Variants in CDC37L1 observed in about 807,000 individuals in gnomAD.
CDC37L1 encodes hsp90 co-chaperone Cdc37-like 1.
CDC37L1 carries 32 observed loss-of-function variants against 45.9 expected under a neutral mutation model. The observed-to-expected ratio is 0.70, with a 90% CI of 0.53 to 0.94. The LOEUF is 0.94. CDC37L1 is among the 40% of genes least tolerant of loss of function. The pLI is 0.00. For synonymous variants in CDC37L1, 150 were observed against 133.0 expected, an observed-to-expected ratio of 1.13 and a Z score of -0.88; for missense variants, 434 against 405.7, an observed-to-expected ratio of 1.07 and a Z score of -0.60.
intron 6 of CDC37L1, among the ~76,000 whole-genome samples, chr9:4,704,624 G>A: frequency 6.6e-6 from 1 of 152,116 alleles, no homozygotes; most frequent in Non-Finnish European, 1.5e-5. Flanking sequence ...GGCTTGGATT[G>A]TTAGAAAAAG....
chr9:4,688,542 C>T lies in CDC37L1; in HGVS notation c.444C>T (p.Asp148=). 1 of 1,524,286 alleles carries T rather than the reference C, an allele frequency of 6.6e-7. No homozygotes were observed. Among genetic ancestry groups the T allele is most frequent in the Non-Finnish European group, 8.8e-7 (1 of 1,132,158 alleles). The allele number at this position is 1,524,286 out of a possible 1,614,324, so 94.4% of individuals were successfully genotyped here. A position where few individuals can be genotyped will look rare whatever the true frequency, so the allele number is the denominator to read the frequency against. ...KSFINQDKRK[D]TEDEDKSESF... is the part of the protein sequence containing the mutation. ...TTATTAATCAAGATAAAAGAAAAGA[C>T]ACAGAAGATGAAGATAAATCAGAAT... The change falls in exon 3 of 7, where the codon GAC becomes GAT. Residue 148 remains aspartate (D), a synonymous_variant. Transcript: ENST00000381854.
At chr9:4,688,486 A>C (rs1404716259) in intron 2 of CDC37L1, 27 bp from the exon 3 acceptor site, 3 of 1,172,012 alleles carry the variant, frequency 2.6e-6, no homozygotes, top group Non-Finnish European at 3.6e-6. Flanking sequence ...TTAAAATCTG[A>C]TTTAAATTTC....
At chr9:4,686,250 G>T (rs1405018081) in intron 2 of CDC37L1, among the ~76,000 whole-genome samples, 1 of 152,146 alleles carries the variant, frequency 6.6e-6, no homozygotes, top group East Asian at 1.9e-4. Context: ...ACCAGCTCTA[G>T]TTCTGCTACA....
chr9:4,680,534 T>A (rs931233928), intron 1 of CDC37L1, among the ~76,000 whole-genome samples: 1 of 152,232 alleles, frequency 6.6e-6, no homozygotes, highest in African/African-American at 2.4e-5. Flanking sequence ...TGTGTTTTCC[T>A]TCAGACTTCT....
At chr9:4,701,675 C>T (rs746699371) in intron 5 of CDC37L1, among the ~76,000 whole-genome samples, 189 bp from the exon 6 acceptor site, 25 of 152,062 alleles carry the variant, frequency 1.6e-4, no homozygotes, top group Non-Finnish European at 3.5e-4. Context: ...TGGAGCAAAC[C>T]AATTATTAAT....
chr9:4,693,015 A>G (rs944282841), intron 3 of CDC37L1, among the ~76,000 whole-genome samples: 3 of 152,186 alleles, frequency 2.0e-5, no homozygotes, highest in Non-Finnish European at 4.4e-5. Context: ...GTGGTAGACG[A>G]TTGGAAATAG....
At chr9:4,698,747 C>T (rs529479264) in intron 5 of CDC37L1, among the ~76,000 whole-genome samples, 96 of 152,078 alleles carry the variant, frequency 6.3e-4, no homozygotes, top group African/African-American at 1.8e-3. Context: ...GGTTCTCTGT[C>T]GAAACTATTT....
chr9:4,679,796 C>G lies in CDC37L1; in HGVS notation c.29C>G (p.Pro10Arg). ...GAACAACCGTGGCCGCCTCCGGGAC[C>G]CTGGAGCCTCCCTCGGGCCGAGGGT... is the stretch of plus-strand genomic sequence containing the variant. The part of the protein sequence containing the change: MEQPWPPPG[P>R]WSLPRAEGEA... The change falls in exon 1 of 7, where the codon CCC becomes CGC. Residue 10 changes from proline (P) to arginine (R), a missense_variant. Coordinates refer to ENST00000381854, the MANE Select transcript of CDC37L1 (RefSeq NM_017913.4). The G allele has an allele frequency of 6.2e-7, 1 of 1,613,612 alleles. No individual in the cohort carries two copies. The highest frequency in any genetic ancestry group is 8.5e-7 in the Non-Finnish European group (1 of 1,179,780).
At position 4,698,017 on chromosome 9, in the gene CDC37L1, T is replaced by G. The variant is rs73643843; in HGVS notation, c.747+138T>G. ...GTAGATTTTCTTGTGAAAAGAAAAT[T>G]TATATTGCTAATTTCTTGCTAATTT... On this transcript the variant is annotated intron_variant, in intron 5 of 6. Transcript: ENST00000381854. 8,154 of 743,892 alleles carry G rather than the reference T, an allele frequency of 0.011. 499 individuals are homozygous for G. The African/African-American group carries it at 0.13, about 12-fold the overall frequency. 46.1% of individuals were successfully genotyped at this position (743,892 alleles called of 1,614,324 possible). A position where few individuals can be genotyped will look rare whatever the true frequency, so the allele number is the denominator to read the frequency against.
intron 5 of CDC37L1, among the ~76,000 whole-genome samples, chr9:4,699,532 T>G (rs1014965505): frequency 6.6e-6 from 1 of 152,208 alleles, no homozygotes; most frequent in African/African-American, 2.4e-5. Context: ...AGATAGATGC[T>G]AAATGGATAT....
At chr9:4,694,108 T>C (rs1339096317) in intron 3 of CDC37L1, among the ~76,000 whole-genome samples, 1 of 152,164 alleles carries the variant, frequency 6.6e-6, no homozygotes, top group African/African-American at 2.4e-5. Flanking sequence ...TGAAACAGAG[T>C]CATTTTCTGT....
At chr9:4,696,198 TA>T (rs1563771072) in intron 3 of CDC37L1, among the ~76,000 whole-genome samples, 1 of 152,244 alleles carries the variant, frequency 6.6e-6, no homozygotes, top group African/African-American at 2.4e-5. Flanking sequence ...CTTTCTTGTG[TA>T]CTGATGTGGA....
chr9:4,686,242 C>CAGCTCT (rs1415996659), intron 2 of CDC37L1, among the ~76,000 whole-genome samples: 1 of 152,172 alleles, frequency 6.6e-6, no homozygotes, highest in Non-Finnish European at 1.5e-5. Flanking sequence ...TTCCCTGGAC[C>CAGCTCT]AGCTCTAGTT....
intron 3 of CDC37L1, among the ~76,000 whole-genome samples, chr9:4,689,115 A>G (rs1486528288): frequency 6.6e-6 from 1 of 152,176 alleles, no homozygotes; most frequent in Non-Finnish European, 1.5e-5. Flanking sequence ...GGGGGTTGAT[A>G]CAAGTGAAGG....
At chr9:4,698,932 T>G (rs1405651008) in intron 5 of CDC37L1, among the ~76,000 whole-genome samples, 3 of 116,004 alleles carry the variant, frequency 2.6e-5, no homozygotes, top group Admixed American at 2.4e-4. Flanking sequence ...ATTTTTTTGT[T>G]TTGGAAAACT....
At chr9:4,702,100 C>CTTT in intron 6 of CDC37L1, 72 bp downstream of exon 6, 2 of 529,578 alleles carry the variant, frequency 3.8e-6, no homozygotes, top group Non-Finnish European at 5.9e-6. Flanking sequence ...TTGCCCCACT[C>CTTT]TTTTTTTTTT....
At chr9:4,681,726 G>A (rs1841195981) in intron 1 of CDC37L1, among the ~76,000 whole-genome samples, 1 of 152,070 alleles carries the variant, frequency 6.6e-6, no homozygotes, top group African/African-American at 2.4e-5. Context: ...CTGGCTTTAA[G>A]ACTTAAATTT....
intron 3 of CDC37L1, among the ~76,000 whole-genome samples, chr9:4,689,274 C>G (rs10119310): frequency 6.6e-6 from 1 of 151,298 alleles, no homozygotes; most frequent in Admixed American, 6.6e-5. Flanking sequence ...AGCATGATAC[C>G]GCTGGCATGA....
intron 3 of CDC37L1, among the ~76,000 whole-genome samples, chr9:4,693,253 G>A (rs1008427311): frequency 6.6e-6 from 1 of 150,392 alleles, no homozygotes; most frequent in African/African-American, 2.5e-5. Context: ...ACCAGCCTGG[G>A]CAACACAGTG....
Sources: gnomAD v4.1 joint callset for allele counts (sites outside exome capture counted in the v4.1 genomes callset) on GRCh38, gnomAD v4.1.1 for gene constraint, MANE v1.5 for transcripts, NCBI Gene and HGNC (gene_info 2026-07-23, HGNC 2026-07-21) for gene names.